Variants in ANKRD66 observed in about 807,000 individuals in gnomAD.
ANKRD66 encodes ankyrin repeat domain-containing protein 66.
Under a neutral mutation model 10.9 loss-of-function variants are expected in ANKRD66, and 10 were observed. The observed-to-expected ratio is 0.91, with a 90% CI of 0.56 to 1.55. The LOEUF (loss-of-function observed/expected upper bound fraction) is 1.55, where lower values mean the gene tolerates loss of function less well. Among genes scored for constraint, ANKRD66 ranks in the 40% most tolerant of loss-of-function variants. ANKRD66 has a pLI of 0.00. For missense variants in ANKRD66, 252 were observed against 242.9 expected (o/e 1.04, Z -0.25); for synonymous variants, 85 against 88.4 (o/e 0.96, Z 0.22).
intron 1 of ANKRD66, among the ~76,000 whole-genome samples, chr6:46,747,830 T>C (rs1766182096): frequency 6.6e-6 from 1 of 152,238 alleles, no homozygotes; most frequent in Admixed American, 6.5e-5. Context: ...ATACTCAGAC[T>C]TTCCCATTTC....
At chr6:46,754,757 A>G (rs1766347865) in intron 4 of ANKRD66, among the ~76,000 whole-genome samples, 1 of 152,204 alleles carries the variant, frequency 6.6e-6, no homozygotes, top group South Asian at 2.1e-4. Context: ...TTAGTTATCT[A>G]TAGAAGTAAC....
At chr6:46,750,909 T>A (rs1007004898) in intron 2 of ANKRD66, among the ~76,000 whole-genome samples, 10 of 152,090 alleles carry the variant, frequency 6.6e-5, no homozygotes, top group Non-Finnish European at 1.5e-4. Context: ...ACCAAATGGA[T>A]CTCTTTATCC....
At chr6:46,750,607 T>G (rs988281410) in intron 2 of ANKRD66, among the ~76,000 whole-genome samples, 5 of 149,342 alleles carry the variant, frequency 3.3e-5, no homozygotes, top group Non-Finnish European at 7.4e-5. Flanking sequence ...GTGCATGAGA[T>G]ATATATACAT....
In ANKRD66 at chr6:46,751,928, C is replaced by T. The variant is rs1467115817; in HGVS notation, c.-12-9C>T. 1 of 1,434,472 alleles carries T rather than the reference C, an allele frequency of 7.0e-7. No individual in the cohort carries two copies. The highest frequency in any genetic ancestry group is 9.1e-7 in the Non-Finnish European group (1 of 1,094,122). 88.9% of individuals were successfully genotyped at this position (1,434,472 alleles called of 1,614,324 possible). ...ATAGAATTTCCTAAGTGGCATGTCTCTCCCACAGTTGTTTTCTGCCATGGA... is the reference window on the plus strand; with the variant it reads ...ATAGAATTTCCTAAGTGGCATGTCTTTCCCACAGTTGTTTTCTGCCATGGA... On this transcript the variant is annotated splice_polypyrimidine_tract_variant and intron_variant, in intron 2 of 4. Coordinates refer to ENST00000565422, the MANE Select transcript of ANKRD66 (RefSeq NM_001162435.3).
At chr6:46,754,624 C>A (rs923813765) in intron 4 of ANKRD66, among the ~76,000 whole-genome samples, 6 of 152,172 alleles carry the variant, frequency 3.9e-5, no homozygotes, top group African/African-American at 1.4e-4. Flanking sequence ...TGCTTGGAAA[C>A]CAAATGATAT....
chr6:46,753,688 T>C (rs948795501), intron 3 of ANKRD66, 34 bp from the exon 4 acceptor site: 1 of 1,513,472 alleles, frequency 6.6e-7, no homozygotes, highest in Non-Finnish European at 8.9e-7. Context: ...ATCTTTATCC[T>C]AACCTCATCC....
In ANKRD66 at chr6:46,758,904, A is replaced by T. The variant is rs1766431467; in HGVS notation, c.574A>T (p.Lys192Ter). The T allele has an allele frequency of 1.3e-6, 2 of 1,550,626 alleles. No homozygotes were observed. Among genetic ancestry groups the T allele is most frequent in the Non-Finnish European group, 1.7e-6 (2 of 1,146,488 alleles). ...AGGCCCCACCAGGCCCAGCAATACC[A>T]AGGGGAGGAGAGTATGAGAACTCAA... ...SRGPTRPSNT[K>*]GRRV Residue 192 changes from lysine to a stop codon, truncating the protein, a stop_gained, in exon 5 of 5, where the codon AAG (lysine) becomes TAG (stop). Coordinates refer to ENST00000565422, the MANE Select transcript of ANKRD66 (RefSeq NM_001162435.3). LOFTEE classifies it high-confidence loss of function.
intron 4 of ANKRD66, chr6:46,756,094 ACT>A (rs1562091828): frequency 4.4e-6 from 2 of 451,536 alleles, no homozygotes; most frequent in African/African-American, 4.0e-5. Flanking sequence ...TAGAATTTTG[ACT>A]CTATATAAAT....
intron 2 of ANKRD66, among the ~76,000 whole-genome samples, chr6:46,751,425 C>T (rs1336022054): frequency 3.9e-5 from 6 of 152,174 alleles, no homozygotes; most frequent in Admixed American, 3.3e-4. Flanking sequence ...GTGTGTCCAT[C>T]TCAACGGGTG....
chr6:46,755,381 T>C (rs1264138013), intron 4 of ANKRD66, among the ~76,000 whole-genome samples: 1 of 152,224 alleles, frequency 6.6e-6, no homozygotes, highest in Non-Finnish European at 1.5e-5. Context: ...TCACTGGCAA[T>C]TCCAAAGCCA....
At chr6:46,747,292 A>C (rs1024397684) in intron 1 of ANKRD66, among the ~76,000 whole-genome samples, 1 of 152,162 alleles carries the variant, frequency 6.6e-6, no homozygotes, top group Non-Finnish European at 1.5e-5. Context: ...GTTTTTTGTA[A>C]AGCAGCTTTG....
intron 1 of ANKRD66, among the ~76,000 whole-genome samples, chr6:46,749,486 G>A (rs769850556): frequency 8.0e-5 from 12 of 149,828 alleles, no homozygotes; most frequent in Non-Finnish European, 1.6e-4. Flanking sequence ...GCAGGGTGGA[G>A]CAGGAGTTTT....
At position 46,756,286 on chromosome 6, in the gene ANKRD66, A is replaced by G. The variant is rs1359047501; in HGVS notation, c.392+2336A>G. 3 of 201,124 alleles carry G rather than the reference A, an allele frequency of 1.5e-5. No individual in the cohort carries two copies. In the Admixed American group the frequency reaches 1.8e-4, roughly 12 times the overall value. The allele number at this position is 201,124 out of a possible 1,614,324, so 12.5% of individuals were successfully genotyped here. On this transcript the variant is annotated intron_variant, in intron 4 of 4. Transcript: ENST00000565422. Reference sequence around the variant, plus strand: ...GGTTTGTTATTTCATTTTCAGCCAAAGGAGAGAGGTGCATTTTAAGTATCA... The same window carrying G: ...GGTTTGTTATTTCATTTTCAGCCAAGGGAGAGAGGTGCATTTTAAGTATCA...
rs906299519 is a variant in ANKRD66 at position 46,754,446 on chromosome 6, T to C, written c.392+496T>C. ...CACACCAAAGAACTTAACTAGCACC[T>C]GTTTATTTTTTTCGCTCAGCCAAGC... On this transcript the variant is annotated intron_variant, in intron 4 of 4. Coordinates refer to ENST00000565422, the MANE Select transcript of ANKRD66 (RefSeq NM_001162435.3). Among the ~76,000 whole-genome samples the C allele has an allele frequency of 2.0e-5, 3 of 152,344 alleles. No individual in the cohort carries two copies. In the South Asian group the frequency reaches 6.2e-4, roughly 32 times the overall value.
chr6:46,752,936 G>A (rs1013593740), intron 3 of ANKRD66, among the ~76,000 whole-genome samples: 1 of 152,226 alleles, frequency 6.6e-6, no homozygotes, highest in Non-Finnish European at 1.5e-5. Flanking sequence ...AAAGTGCTAT[G>A]GTCAACTTTG....
At chr6:46,753,700 G>T (rs900602973) in intron 3 of ANKRD66, 22 bp from the exon 4 acceptor site, 14 of 1,527,824 alleles carry the variant, frequency 9.2e-6, no homozygotes, top group African/African-American at 4.1e-5. Flanking sequence ...ACCTCATCCT[G>T]TTTCTTTTTG....
intron 2 of ANKRD66, among the ~76,000 whole-genome samples, chr6:46,750,291 T>C (rs763564590): frequency 1.8e-4 from 27 of 152,142 alleles, no homozygotes; most frequent in Non-Finnish European, 2.6e-4. Context: ...ATTTATTCTA[T>C]TGGAAATTAA....
At chr6:46,750,283 T>G (rs1351851609) in intron 2 of ANKRD66, among the ~76,000 whole-genome samples, 1 of 152,196 alleles carries the variant, frequency 6.6e-6, no homozygotes, top group Non-Finnish European at 1.5e-5. Flanking sequence ...GGTTGTCAAT[T>G]TATTCTATTG....
chr6:46,747,098 T>C, intron 1 of ANKRD66, 108 bp downstream of exon 1: 1 of 1,092,482 alleles, frequency 9.2e-7, no homozygotes, highest in South Asian at 1.5e-5. Flanking sequence ...TTCCTATCTT[T>C]ATGGTAGATG....
Sources: allele counts gnomAD v4.1 joint callset (sites outside exome capture counted in the v4.1 genomes callset), GRCh38; gene constraint gnomAD v4.1.1; transcripts MANE v1.5; gene names NCBI Gene and HGNC (gene_info 2026-07-23, HGNC 2026-07-21).